The following PILRB variants were observed in gnomAD, a reference collection of about 807,000 sequenced individuals.
PILRB encodes the protein paired immunoglobin like type 2 receptor beta.
PILRB carries 21 observed loss-of-function variants against 20.5 expected under a neutral mutation model. That is an observed-to-expected ratio of 1.02 (90% CI 0.72 to 1.47). The LOEUF is 1.47. PILRB is among the 40% of genes most tolerant of loss of function. The pLI, the probability that PILRB is intolerant of heterozygous loss-of-function variation, is 0.00. For synonymous variants in PILRB, 133 were observed against 115.1 expected (o/e 1.16, Z -0.99); for missense variants, 253 against 272.1 (o/e 0.93, Z 0.49).
At chr7:100,360,655 C>CA (rs937430095) in intron 3 of PILRB, among the ~76,000 whole-genome samples, 4 of 152,118 alleles carry the variant, frequency 2.6e-5, no homozygotes, top group African/African-American at 9.7e-5. Flanking sequence ...TGAGAGACCT[C>CA]AGTCTATGGA....
intron 3 of PILRB, among the ~76,000 whole-genome samples, chr7:100,362,882 C>G (rs1790569491): frequency 6.6e-6 from 1 of 152,084 alleles, no homozygotes; most frequent in African/African-American, 2.4e-5. Flanking sequence ...AAAGGCCAGT[C>G]ATGCAAGGCC....
chr7:100,361,084 C>T (rs1160274773), intron 3 of PILRB, among the ~76,000 whole-genome samples: 3 of 152,004 alleles, frequency 2.0e-5, no homozygotes, highest in Non-Finnish European at 2.9e-5. Context: ...TACAGGCGCC[C>T]GCCACCACAC....
chr7:100,362,356 T>C (rs1259963250), intron 3 of PILRB, among the ~76,000 whole-genome samples: 1 of 152,156 alleles, frequency 6.6e-6, no homozygotes. Flanking sequence ...TTAAAAGGAC[T>C]GTACGCCATG....
chr7:100,363,692 G>A (rs1790594360), intron 3 of PILRB, among the ~76,000 whole-genome samples: 1 of 152,140 alleles, frequency 6.6e-6, no homozygotes, highest in Admixed American at 6.6e-5. Context: ...AAATTCAAAT[G>A]GAATCTGAAA....
chr7:100,362,055 G>A (rs1405415823), intron 3 of PILRB, among the ~76,000 whole-genome samples: 2 of 152,144 alleles, frequency 1.3e-5, no homozygotes, highest in African/African-American at 2.4e-5. Context: ...GAACTACTGA[G>A]AGAGCAGGAA....
At chr7:100,360,429 A>G (rs189498031) in intron 3 of PILRB, among the ~76,000 whole-genome samples, 42 of 152,326 alleles carry the variant, frequency 2.8e-4, no homozygotes, top group African/African-American at 9.4e-4. Context: ...AGATGTCTCA[A>G]AAAAGAAAAG....
In PILRB at chr7:100,358,495, G is replaced by A. The variant is rs1790428339; in HGVS notation, c.64+129G>A. ...CCAGCAAACAAGGGCGGGTCCCATAGGGGTGGGTGCCGCCATCTCTTCCCC... is the reference window on the plus strand; with the variant it reads ...CCAGCAAACAAGGGCGGGTCCCATAAGGGTGGGTGCCGCCATCTCTTCCCC... On this transcript the variant is annotated intron_variant, in intron 1 of 3. Transcript: ENST00000609309. The A allele has an allele frequency of 3.1e-6, 4 of 1,291,846 alleles. No individual in the cohort carries two copies. In the Admixed American group the frequency reaches 9.0e-5, roughly 29 times the overall value. 80.0% of individuals were successfully genotyped at this position (1,291,846 alleles called of 1,614,324 possible).
intron 3 of PILRB, among the ~76,000 whole-genome samples, chr7:100,366,146 T>A (rs1790677761): frequency 6.6e-6 from 1 of 151,668 alleles, no homozygotes; most frequent in Admixed American, 6.6e-5. Flanking sequence ...TAGAGACAGG[T>A]TTTCACCATA....
At chr7:100,364,544 C>T (rs554139917) in intron 3 of PILRB, among the ~76,000 whole-genome samples, 1 of 152,290 alleles carries the variant, frequency 6.6e-6, no homozygotes, top group Admixed American at 6.5e-5. Context: ...CCTGCTCTTA[C>T]ACAAGAACGA....
chr7:100,363,822 TA>T (rs1423974480), intron 3 of PILRB, among the ~76,000 whole-genome samples: 1 of 151,960 alleles, frequency 6.6e-6, no homozygotes, highest in Non-Finnish European at 1.5e-5. Context: ...AATAAAGACA[TA>T]AATAGGCCAG....
rs746906793 is a variant in PILRB, at chr7:100,367,715, ATTTATTTTGC to A, written c.*341_*350del. 6.8e-6 allele frequency: 2 copies of A among 295,688 alleles called. No homozygotes were observed. Among genetic ancestry groups the A allele is most frequent in the Non-Finnish European group, 1.3e-5 (2 of 157,438 alleles). The allele number at this position is 295,688 out of a possible 1,614,324, so 18.3% of individuals were successfully genotyped here. On this transcript the variant is annotated 3_prime_UTR_variant, in exon 4 of 4. Coordinates refer to ENST00000609309, the MANE Select transcript of PILRB (RefSeq NM_178238.4). ...TCCTCCCCAAGGATGGAAAAATACA[ATTTATTTTGC>A]TTACCATACACCCCTTTTCTCCTCG...
intron 3 of PILRB, among the ~76,000 whole-genome samples, chr7:100,360,518 G>A (rs1420544088): frequency 6.6e-6 from 1 of 152,188 alleles, no homozygotes; most frequent in Non-Finnish European, 1.5e-5. Context: ...TCCAGGAGCT[G>A]TAGGAAGCTT....
intron 1 of PILRB, 78 bp downstream of exon 1, chr7:100,358,444 C>T: frequency 6.5e-7 from 1 of 1,542,740 alleles, no homozygotes; most frequent in Non-Finnish European, 8.8e-7. Flanking sequence ...GGCAGAACAT[C>T]TGGGGCAGGG....
At chr7:100,362,514 CTTT>C (rs1193632079) in intron 3 of PILRB, among the ~76,000 whole-genome samples, 1 of 145,106 alleles carries the variant, frequency 6.9e-6, no homozygotes, top group Non-Finnish European at 1.5e-5. Context: ...AACACCTTTC[CTTT>C]TTTTTTTTTG....
intron 2 of PILRB, 126 bp from the exon 3 acceptor site, chr7:100,359,211 G>C (rs570006484): frequency 6.7e-6 from 10 of 1,502,106 alleles, no homozygotes; most frequent in Non-Finnish European, 9.2e-6. Context: ...CCCCTTCCAT[G>C]TCTGGGCTTC....
Position 100,359,540 on chromosome 7 carries a change from A to T in PILRB, c.655+3A>T. ...CCTGTGGTGGAGGAGAAGGAAAGGT[A>T]AGTGCCCAGAACGCACTGTCTCCTC... On this transcript the variant is annotated splice_donor_region_variant and intron_variant, in intron 3 of 3. Coordinates refer to ENST00000609309, the MANE Select transcript of PILRB (RefSeq NM_178238.4). 1 of 1,613,160 alleles carries T rather than the reference A, an allele frequency of 6.2e-7. No homozygotes were observed. Among genetic ancestry groups the T allele is most frequent in the Non-Finnish European group, 8.5e-7 (1 of 1,179,174 alleles).
At position 100,366,569 on chromosome 7, in the gene PILRB, A is replaced by G. The variant is rs374253656; in HGVS notation, c.656-780A>G. On this transcript the variant is annotated intron_variant, in intron 3 of 3. Coordinates refer to ENST00000609309, the MANE Select transcript of PILRB (RefSeq NM_178238.4). Reference sequence around the variant, plus strand: ...GAGAGGCAGCAGAGGATTCAGGGTGAGACCAGCCAGAGGGGAGGGGAGGCC... The same window carrying G: ...GAGAGGCAGCAGAGGATTCAGGGTGGGACCAGCCAGAGGGGAGGGGAGGCC... Among the ~76,000 whole-genome samples, 11 of 152,190 alleles carry G rather than the reference A, an allele frequency of 7.2e-5. 1 individual carries two copies. Among genetic ancestry groups the G allele is most frequent in the East Asian group, 3.9e-4 (2 of 5,160 alleles).
chr7:100,360,926 TTTTTG>T (rs774827043), intron 3 of PILRB, among the ~76,000 whole-genome samples: 49 of 151,992 alleles, frequency 3.2e-4, no homozygotes, highest in Non-Finnish European at 6.2e-4. Flanking sequence ...GGAATTTGTT[TTTTTG>T]TTTTGTTTTG....
chr7:100,365,524 T>C (rs192585799), intron 3 of PILRB, among the ~76,000 whole-genome samples: 69 of 152,164 alleles, frequency 4.5e-4, no homozygotes, highest in African/African-American at 1.6e-3. Context: ...GAACATAGAA[T>C]TTCAGTTTTA....
Sources: allele counts gnomAD v4.1 joint callset (sites outside exome capture counted in the v4.1 genomes callset), GRCh38; gene constraint gnomAD v4.1.1; transcripts MANE v1.5; gene names NCBI Gene and HGNC (gene_info 2026-07-23, HGNC 2026-07-21).